TAF1B: variants seen among roughly 807,000 people sequenced by gnomAD.
TAF1B encodes TATA-box binding protein associated factor, RNA polymerase I subunit B.
In TAF1B, 61 loss-of-function variants were observed where a neutral mutation model predicts 83.9. The observed-to-expected ratio is 0.73, with a 90% CI of 0.59 to 0.90. The LOEUF is 0.90. Ranked by LOEUF, TAF1B falls within the 40% of genes least tolerant of loss-of-function variation. The pLI is 0.00. For synonymous variants in TAF1B, 221 were observed against 224.6 expected (o/e 0.98, Z 0.14); for missense variants, 625 against 677.0 (o/e 0.92, Z 0.85).
Position 9,934,025 on chromosome 2 carries a change from T to G in TAF1B, c.*41T>G. 1 of 1,432,512 alleles carries G rather than the reference T, an allele frequency of 7.0e-7. No homozygotes were observed. The highest frequency in any genetic ancestry group is 9.5e-7 in the Non-Finnish European group (1 of 1,051,356). The allele number at this position is 1,432,512 out of a possible 1,614,324, so 88.7% of individuals were successfully genotyped here. A position where few individuals can be genotyped will look rare whatever the true frequency, so the allele number is the denominator to read the frequency against. On this transcript the variant is annotated 3_prime_UTR_variant, in exon 15 of 15. Transcript: ENST00000263663. ...ACTTTCTGGAAAAATATTTTAATAG[T>G]GATAATAACATCAGATTTTAATATA...
In TAF1B at chr2:9,910,923, C is replaced by A. The variant is rs1214743584; in HGVS notation, c.1133+10C>A. The A allele has an allele frequency of 6.2e-7, 1 of 1,600,574 alleles. No homozygotes were observed. Among genetic ancestry groups the A allele is most frequent in the Non-Finnish European group, 8.5e-7 (1 of 1,173,176 alleles). On this transcript the variant is annotated intron_variant, in intron 10 of 14. Transcript: ENST00000263663. ...ATGACAGTTTCGAGTGGTAAGTGTA[C>A]GTCAATTTTATGACAAGTAACATTT...
intron 8 of TAF1B, among the ~76,000 whole-genome samples, chr2:9,895,482 CAG>C (rs1664989574): frequency 6.6e-6 from 1 of 150,902 alleles, no homozygotes; most frequent in South Asian, 2.1e-4. Flanking sequence ...GCCTGGGCGA[CAG>C]AGTGAGACCC....
chr2:9,888,030 A>AT (rs1478424176), intron 8 of TAF1B, among the ~76,000 whole-genome samples: 1 of 151,908 alleles, frequency 6.6e-6, no homozygotes, highest in East Asian at 1.9e-4. Flanking sequence ...TTAAAAAAAA[A>AT]TTTTTTTTAG....
chr2:9,886,955 C>T (rs532147196), intron 8 of TAF1B, among the ~76,000 whole-genome samples: 174 of 152,186 alleles, frequency 1.1e-3, no homozygotes, highest in Non-Finnish European at 1.7e-3. Context: ...GTCCCAGCTA[C>T]TCGGGAGGCT....
intron 8 of TAF1B, among the ~76,000 whole-genome samples, chr2:9,887,607 A>G (rs1295721603): frequency 6.7e-6 from 1 of 149,460 alleles, no homozygotes; most frequent in East Asian, 1.9e-4. Flanking sequence ...TTTTTGACCT[A>G]TCTGTGTCTT....
intron 8 of TAF1B, among the ~76,000 whole-genome samples, chr2:9,903,609 GTTGAA>G (rs1245588239): frequency 6.6e-6 from 1 of 152,170 alleles, no homozygotes; most frequent in Non-Finnish European, 1.5e-5. Context: ...TTAGTATAAA[GTTGAA>G]TTGTGGATTT....
chr2:9,886,313 A>G (rs2125157588), intron 8 of TAF1B, among the ~76,000 whole-genome samples: 1 of 152,276 alleles, frequency 6.6e-6, no homozygotes, highest in African/African-American at 2.4e-5. Flanking sequence ...TCTGCAGTCC[A>G]GTGCTCTACT....
intron 2 of TAF1B, among the ~76,000 whole-genome samples, chr2:9,848,527 G>A (rs1319891347): frequency 6.6e-6 from 1 of 152,152 alleles, no homozygotes; most frequent in African/African-American, 2.4e-5. Flanking sequence ...TTAGCCAGGC[G>A]TGATGGCGCA....
chr2:9,926,496 C>T (rs1168713322), intron 14 of TAF1B, among the ~76,000 whole-genome samples: 1 of 152,186 alleles, frequency 6.6e-6, no homozygotes, highest in Non-Finnish European at 1.5e-5. Context: ...GCCATCTAAC[C>T]TCTTCCTCTA....
chr2:9,921,631 C>T (rs1481272229), intron 14 of TAF1B, among the ~76,000 whole-genome samples: 2 of 152,044 alleles, frequency 1.3e-5, no homozygotes, highest in African/African-American at 4.8e-5. Context: ...GTATGTTTTC[C>T]CCACTTTCCT....
rs1246824844 is a variant in TAF1B at position 9,919,252 on chromosome 2, C to CA, written c.1342+142dup. 12 of 678,758 alleles carry CA rather than the reference C, an allele frequency of 1.8e-5. No homozygotes were observed. The South Asian group carries it at 2.3e-4, about 13-fold the overall frequency. 42.0% of individuals were successfully genotyped at this position (678,758 alleles called of 1,614,324 possible). On this transcript the variant is annotated intron_variant, in intron 13 of 14. Transcript: ENST00000263663. Reference sequence around the variant, plus strand: ...CAGGGCACATGTACATCCAAAGGAGCATCATACTCTGCAAGAAATCTCTGC... The same window carrying CA: ...CAGGGCACATGTACATCCAAAGGAGCAATCATACTCTGCAAGAAATCTCTGC...
At chr2:9,899,891 C>T (rs1320521291) in intron 8 of TAF1B, among the ~76,000 whole-genome samples, 1 of 152,178 alleles carries the variant, frequency 6.6e-6, no homozygotes, top group African/African-American at 2.4e-5. Flanking sequence ...GAGCATTGTA[C>T]TATGAATATT....
intron 8 of TAF1B, among the ~76,000 whole-genome samples, chr2:9,901,845 A>G (rs1272011645): frequency 6.6e-6 from 1 of 152,156 alleles, no homozygotes; most frequent in African/African-American, 2.4e-5. Context: ...TTAAAATACA[A>G]TTAATAGTAT....
intron 5 of TAF1B, 80 bp from the exon 6 acceptor site, chr2:9,868,196 A>G (rs1664054237): frequency 5.1e-6 from 7 of 1,361,182 alleles, no homozygotes; most frequent in Non-Finnish European, 7.1e-6. Context: ...GGTGTTTGTG[A>G]TAGGAGTTGT....
intron 14 of TAF1B, among the ~76,000 whole-genome samples, chr2:9,925,180 A>G (rs907368632): frequency 8.5e-5 from 13 of 152,098 alleles, no homozygotes; most frequent in Admixed American, 7.9e-4. Context: ...GGTGGCTCAC[A>G]CCTGTAATCC....
rs565568507 is a variant in TAF1B at position 9,854,198 on chromosome 2, A to G, written c.304-128A>G. The G allele has an allele frequency of 1.9e-5, 13 of 679,172 alleles. No homozygotes were observed. In the African/African-American group the frequency reaches 2.2e-4, roughly 11 times the overall value. The allele number at this position is 679,172 out of a possible 1,614,324, so 42.1% of individuals were successfully genotyped here. On this transcript the variant is annotated intron_variant, in intron 4 of 14. Transcript: ENST00000263663. Reference sequence around the variant, plus strand: ...TTTGTTCTCAACTTGTGAATACCACATAAAACATTTACTGGAAATTTATAT... The same window carrying G: ...TTTGTTCTCAACTTGTGAATACCACGTAAAACATTTACTGGAAATTTATAT...
rs2125175087 is a variant in TAF1B, at chr2:9,914,607, C to T, written c.1271+1358C>T. 6.6e-6 allele frequency among the ~76,000 whole-genome samples: 1 copy of T among 152,272 alleles called. No individual in the cohort carries two copies. The highest frequency in any genetic ancestry group is 1.5e-5 in the Non-Finnish European group (1 of 68,016). On this transcript the variant is annotated intron_variant, in intron 12 of 14. Transcript: ENST00000263663. The surrounding 1 kb of genome is among the most constrained non-coding windows in gnomAD (Gnocchi z 4.3). ...CTCTTGGAGGCCCAGTTCATTATTG[C>T]AGTGTTATGTCAGTTGCACATTTAA... is the stretch of plus-strand genomic sequence containing the variant.
chr2:9,863,452 C>T (rs146086646), intron 5 of TAF1B, among the ~76,000 whole-genome samples: 3,350 of 152,240 alleles, frequency 0.022, 52 homozygotes, highest in Non-Finnish European at 0.033. Context: ...TAAAGCAAGT[C>T]CTTAGTTATC....
intron 5 of TAF1B, among the ~76,000 whole-genome samples, chr2:9,866,619 A>G (rs976260237): frequency 6.6e-6 from 1 of 152,220 alleles, no homozygotes; most frequent in South Asian, 2.1e-4. Context: ...TCATGCTGCT[A>G]TAAAGACACA....
Sources: allele counts gnomAD v4.1 joint callset (sites outside exome capture counted in the v4.1 genomes callset), GRCh38; gene constraint gnomAD v4.1.1; non-coding constraint Gnocchi (gnomAD v3.1); transcripts MANE v1.5; gene names NCBI Gene and HGNC (gene_info 2026-07-23, HGNC 2026-07-21).